STRN4: variants seen among roughly 807,000 people sequenced by gnomAD.
STRN4 encodes striatin 4.
STRN4 carries 27 observed loss-of-function variants against 77.9 expected under a neutral mutation model. The ratio of observed to expected loss-of-function variants is 0.35; its 90% CI spans 0.26 to 0.48. The LOEUF is 0.48. Among genes scored for constraint, STRN4 ranks in the 20% least tolerant of loss-of-function variants. The pLI is 0.99. For synonymous variants in STRN4, 466 were observed against 443.1 expected (o/e 1.05, Z -0.65); for missense variants, 798 against 1,049.7 (o/e 0.76, Z 3.31).
intron 11 of STRN4, 106 bp downstream of exon 11, chr19:46,725,226 T>C (rs1174535647): frequency 4.7e-6 from 7 of 1,491,888 alleles, no homozygotes; most frequent in Non-Finnish European, 6.5e-6. Flanking sequence ...CAGAGCCCCC[T>C]GCTGTCCTGC....
rs1348055407 is a variant in STRN4, at chr19:46,733,020, G to A, written c.737+19C>T. 6.3e-7 allele frequency: 1 copy of A among 1,598,896 alleles called. No homozygotes were observed. Among genetic ancestry groups the A allele is most frequent in the Non-Finnish European group, 8.6e-7 (1 of 1,168,898 alleles). ...TCAGGAGGAACAGAGAGACACACCTGCCATGTCCACGGGCTCACCTCTTTA... is the reference window on the plus strand; with the variant it reads ...TCAGGAGGAACAGAGAGACACACCTACCATGTCCACGGGCTCACCTCTTTA... On this transcript the variant is annotated intron_variant, in intron 5 of 17. Transcript: ENST00000263280. The surrounding 1 kb of genome is among the most constrained non-coding windows in gnomAD (Gnocchi z 4.3).
rs140848551 is a variant in STRN4, at chr19:46,720,724, C to A, written c.2140G>T (p.Val714Leu). 4 of 1,608,154 alleles carry A rather than the reference C, an allele frequency of 2.5e-6. No individual in the cohort carries two copies. The highest frequency in any genetic ancestry group is 4.5e-5 in the East Asian group (2 of 44,602). ...RLWSLDNKTC[V>L]QEITAHRKKH... ...TTGCGGTGGGCCGTGATCTCCTGCA[C>A]GCACGTTTTGTTGTCCAGGCTCCAG... The change falls in exon 17 of 18, where the codon GTG becomes TTG. Residue 714 changes from valine (V) to leucine (L), a missense_variant. By Grantham distance (32) the Val-to-Leu change is conservative. Coordinates refer to ENST00000263280, the MANE Select transcript of STRN4 (RefSeq NM_013403.3).
chr19:46,721,165 A>C (rs2053967575), intron 16 of STRN4: 1 of 165,328 alleles, frequency 6.0e-6, no homozygotes, highest in Non-Finnish European at 1.3e-5. Flanking sequence ...TTCCAGGCAG[A>C]AGGACAGGCG....
chr19:46,744,915 G>A (rs931268177), intron 1 of STRN4, among the ~76,000 whole-genome samples: 5 of 151,874 alleles, frequency 3.3e-5, no homozygotes, highest in African/African-American at 1.2e-4. Flanking sequence ...GACGCTCCAC[G>A]AGGTCACAAA....
intron 9 of STRN4, chr19:46,725,950 G>A (rs2054103018): frequency 2.7e-6 from 1 of 369,868 alleles, no homozygotes; most frequent in Non-Finnish European, 5.0e-6. Context: ...CCACAAGTGT[G>A]CAGGATCATC....
chr19:46,730,984 CT>C, intron 5 of STRN4, 111 bp from the exon 6 acceptor site: 2 of 1,483,392 alleles, frequency 1.3e-6, no homozygotes, highest in South Asian at 2.5e-5. Flanking sequence ...AGCTAACCCC[CT>C]AACCCCTGAG....
chr19:46,728,522 A>G, intron 7 of STRN4, 96 bp downstream of exon 7: 1 of 1,449,558 alleles, frequency 6.9e-7, no homozygotes, highest in Non-Finnish European at 9.2e-7. Flanking sequence ...TCCGGTAGAG[A>G]GACCCTGTAC....
chr19:46,722,916 G>A lies in STRN4; in HGVS notation c.1800C>T (p.Ser600=). 6.2e-7 allele frequency: 1 copy of A among 1,614,006 alleles called. No homozygotes were observed. The highest frequency in any genetic ancestry group is 8.5e-7 in the Non-Finnish European group (1 of 1,180,036). ...HGVPTSVAFT[S]TEPAHIVASF... is the part of the protein sequence containing the mutation. The stretch of plus-strand genomic sequence containing the variant: ...AGGCCACGATGTGGGCAGGCTCGGT[G>A]CTGGTGAAGGCCACTGAGGTGGGGA... Residue 600 remains serine (S), a synonymous_variant, in exon 14 of 18, where the codon AGC becomes AGT. Coordinates refer to ENST00000263280, the MANE Select transcript of STRN4 (RefSeq NM_013403.3).
At position 46,730,934 on chromosome 19, in the gene STRN4, G is replaced by T. The variant is rs2054236754; in HGVS notation, c.738-61C>A. 2.5e-6 allele frequency: 4 copies of T among 1,591,620 alleles called. No individual in the cohort carries two copies. In the Admixed American group the frequency reaches 6.7e-5, roughly 27 times the overall value. On this transcript the variant is annotated intron_variant, in intron 5 of 17. Transcript: ENST00000263280. ...CTGGCAGGTGTCAAAGCTCAGATAGGAAGGTGCCCTCCCAGGCTTGGTGGC... is the reference window on the plus strand; with the variant it reads ...CTGGCAGGTGTCAAAGCTCAGATAGTAAGGTGCCCTCCCAGGCTTGGTGGC...
At chr19:46,745,328 C>T (rs62134793) in intron 1 of STRN4, among the ~76,000 whole-genome samples, 25,865 of 152,082 alleles carry the variant, frequency 0.17, 2,729 homozygotes, top group Non-Finnish European at 0.24. Flanking sequence ...GGGTACATTC[C>T]CTGCTCTGTC....
Position 46,723,063 on chromosome 19 carries a change from G to A in STRN4, c.1765+51C>T. ...GGCCTCAGCAGGAACCACTCTGATA[G>A]CCTCCAGATCCCGCACAGCTCCAGG... On this transcript the variant is annotated intron_variant, in intron 13 of 17. Transcript: ENST00000263280. The surrounding 1 kb of genome is among the most constrained non-coding windows in gnomAD (Gnocchi z 5.5). 1.3e-6 allele frequency: 2 copies of A among 1,567,306 alleles called. No individual in the cohort carries two copies. Among genetic ancestry groups the A allele is most frequent in the East Asian group, 2.4e-5 (1 of 42,502 alleles).
Position 46,724,816 on chromosome 19 carries a change from C to G in STRN4, c.1585G>C (p.Asp529His). ...KIPDLSMDPY[D>H]GYDPSVLSHV... ...GAGGCGTTGTCCTCACCGTAGCCATCATAGGGATCCATGCTGAGGTCTGGA... is the reference window on the plus strand; with the variant it reads ...GAGGCGTTGTCCTCACCGTAGCCATGATAGGGATCCATGCTGAGGTCTGGA... The change falls in exon 12 of 18, where the codon GAT (aspartate) becomes CAT (histidine). Residue 529 changes from aspartate to histidine, a missense_variant. Physicochemically the swap from Asp to His is moderately conservative, Grantham distance 81 (BLOSUM62 -1). Coordinates refer to ENST00000263280, the MANE Select transcript of STRN4 (RefSeq NM_013403.3). The G allele has an allele frequency of 6.2e-7, 1 of 1,613,962 alleles. No individual in the cohort carries two copies. Among genetic ancestry groups the G allele is most frequent in the Non-Finnish European group, 8.5e-7 (1 of 1,180,008 alleles).
In STRN4 at chr19:46,730,681, G is replaced by C. The variant is rs567817361; in HGVS notation, c.879+51C>G. 5 of 1,598,076 alleles carry C rather than the reference G, an allele frequency of 3.1e-6. No individual in the cohort carries two copies. In the South Asian group the frequency reaches 4.4e-5, roughly 14 times the overall value. ...GCCCAGGCTGACTCGGAAGGGCTTC[G>C]ATCAGGTCACACCCAGGCCAGGCTG... On this transcript the variant is annotated intron_variant, in intron 6 of 17. Transcript: ENST00000263280.
Position 46,743,610 on chromosome 19 carries a change from C to T in STRN4, c.282+2539G>A, listed in dbSNP as rs141986437. ...AGGTACAGAACATGGGCTTAAAAGT[C>T]TACCGACGGTCGGGCATGGTGGCTT... On this transcript the variant is annotated intron_variant, in intron 1 of 17. Coordinates refer to ENST00000263280, the MANE Select transcript of STRN4 (RefSeq NM_013403.3). Among the ~76,000 whole-genome samples the T allele has an allele frequency of 1.6e-4, 25 of 152,244 alleles. No homozygotes were observed. The East Asian group carries it at 4.6e-3, about 28-fold the overall frequency.
rs981937366 is a variant in STRN4 at position 46,741,538 on chromosome 19, C to A, written c.283-2650G>T. 6.6e-6 allele frequency among the ~76,000 whole-genome samples: 1 copy of A among 152,216 alleles called. No homozygotes were observed. Among genetic ancestry groups the A allele is most frequent in the African/African-American group, 2.4e-5 (1 of 41,460 alleles). On this transcript the variant is annotated intron_variant, in intron 1 of 17. Coordinates refer to ENST00000263280, the MANE Select transcript of STRN4 (RefSeq NM_013403.3). This position sits in a 1 kb window ranked among gnomAD's most constrained non-coding sequence, Gnocchi z 4.9. The stretch of plus-strand genomic sequence containing the variant: ...TCTCCCTCGCTGCAAACGCCAGCAG[C>A]CCCCACGGGCTGTCTGGTCTGCGAG...
intron 5 of STRN4, chr19:46,731,908 A>T (rs2054264327): frequency 6.6e-6 from 1 of 152,034 alleles, no homozygotes; most frequent in African/African-American, 2.4e-5. Context: ...GTTCAACTAG[A>T]CCTATGTTTA....
intron 1 of STRN4, 126 bp from the exon 2 acceptor site, chr19:46,739,014 C>A (rs2054425355): frequency 1.3e-6 from 1 of 757,124 alleles, no homozygotes; most frequent in Non-Finnish European, 2.2e-6. Context: ...CAGCCACTTC[C>A]TCAGGCACAA....
In STRN4 at chr19:46,738,283, C is replaced by G. The variant is rs539384093; in HGVS notation, c.387-46G>C. On this transcript the variant is annotated intron_variant, in intron 2 of 17. Transcript: ENST00000263280. The surrounding 1 kb of genome is among the most constrained non-coding windows in gnomAD (Gnocchi z 4.5). ...TGAATAAGAGATGCGGGAGAGTAGA[C>G]AGGGTCAGTAGTTACCTAAGGAATC... The G allele has an allele frequency of 9.9e-5, 155 of 1,561,156 alleles. 1 individual carries two copies. The South Asian group carries it at 1.6e-3, about 16-fold the overall frequency.
In STRN4 at chr19:46,736,738, C is replaced by T. The variant is rs554136851; in HGVS notation, c.539+85G>A. On this transcript the variant is annotated intron_variant, in intron 4 of 17. Transcript: ENST00000263280. Reference sequence around the variant, plus strand: ...GATAGTTCAGCATCCCCAGTGGGGACGGAAAAGGACTGTGGAGTCTTTGGA... The same window carrying T: ...GATAGTTCAGCATCCCCAGTGGGGATGGAAAAGGACTGTGGAGTCTTTGGA... 1.1e-4 allele frequency: 151 copies of T among 1,350,690 alleles called. No individual in the cohort carries two copies. In the African/African-American group the frequency reaches 1.8e-3, roughly 16 times the overall value. 83.7% of individuals were successfully genotyped at this position (1,350,690 alleles called of 1,614,324 possible).
Sources: allele counts gnomAD v4.1 joint callset (sites outside exome capture counted in the v4.1 genomes callset), GRCh38; gene constraint gnomAD v4.1.1; non-coding constraint Gnocchi (gnomAD v3.1); transcripts MANE v1.5; gene names NCBI Gene and HGNC (gene_info 2026-07-23, HGNC 2026-07-21).